The following DIS3L2 variants were observed in gnomAD, a reference collection of about 807,000 sequenced individuals.
The protein encoded by DIS3L2 is DIS3-like exonuclease 2.
In DIS3L2, 34 loss-of-function variants were observed where a neutral mutation model predicts 97.5. The ratio of observed to expected loss-of-function variants is 0.35; its 90% confidence interval spans 0.27 to 0.46. DIS3L2 has a LOEUF of 0.46. Ranked by LOEUF, DIS3L2 falls within the 20% of genes least tolerant of loss-of-function variation. DIS3L2 has a pLI of 1.00. For synonymous variants in DIS3L2, 435 were observed against 445.2 expected (o/e 0.98, Z 0.29); for missense variants, 1,038 against 1,146.0 (o/e 0.91, Z 1.36).
At chr2:232,003,455 A>G (rs1364785043) in intron 1 of DIS3L2, among the ~76,000 whole-genome samples, 1 of 152,228 alleles carries the variant, frequency 6.6e-6, no homozygotes, top group African/African-American at 2.4e-5. Flanking sequence ...TTGACTGCAT[A>G]TAGAATTGCA....
chr2:232,324,696 C>T lies in DIS3L2; in HGVS notation c.1740-5117C>T, dbSNP rs73995228. On this transcript the variant is annotated intron_variant, in intron 14 of 20. Coordinates refer to ENST00000325385, the MANE Select transcript of DIS3L2 (RefSeq NM_152383.5). ...GAAACTTCTAGAAATGTTGCTTTTA[C>T]TGTGTTTTTTGCCCAAGTCCTAGAG... 2.3e-3 allele frequency among the ~76,000 whole-genome samples: 347 copies of T among 152,302 alleles called. 2 individuals are homozygous for T. Among genetic ancestry groups the T allele is most frequent in the African/African-American group, 7.7e-3 (321 of 41,572 alleles).
chr2:232,073,857 G>C (rs903564813), intron 5 of DIS3L2, among the ~76,000 whole-genome samples: 1 of 152,202 alleles, frequency 6.6e-6, no homozygotes, highest in African/African-American at 2.4e-5. Flanking sequence ...TGGTAGGTTT[G>C]AATTGCTGTT....
intron 5 of DIS3L2, among the ~76,000 whole-genome samples, chr2:232,047,954 G>C (rs917916744): frequency 6.6e-6 from 1 of 152,146 alleles, no homozygotes; most frequent in African/African-American, 2.4e-5. Flanking sequence ...GCCACATTTT[G>C]TTATCCTTTC....
At chr2:232,174,968 A>G (rs1691110115) in intron 9 of DIS3L2, among the ~76,000 whole-genome samples, 1 of 152,092 alleles carries the variant, frequency 6.6e-6, no homozygotes. Flanking sequence ...TAGCTGGGAC[A>G]ACAGGGCGTG....
Position 232,295,330 on chromosome 2 carries a change from A to G in DIS3L2, c.1660-4710A>G, listed in dbSNP as rs140911245. On this transcript the variant is annotated intron_variant, in intron 13 of 20. Coordinates refer to ENST00000325385, the MANE Select transcript of DIS3L2 (RefSeq NM_152383.5). Reference sequence around the variant, plus strand: ...GCAGATAATTTGTGTCCTAATTTTCAGGAAAGAACCTAAAAAATCATACTA... The same window carrying G: ...GCAGATAATTTGTGTCCTAATTTTCGGGAAAGAACCTAAAAAATCATACTA... 7.2e-3 allele frequency among the ~76,000 whole-genome samples: 1,093 copies of G among 151,992 alleles called. 7 individuals are homozygous for G. The highest frequency in any genetic ancestry group is 0.017 in the South Asian group (84 of 4,820).
At chr2:232,048,107 A>G (rs1013964835) in intron 5 of DIS3L2, among the ~76,000 whole-genome samples, 4 of 152,034 alleles carry the variant, frequency 2.6e-5, no homozygotes, top group African/African-American at 4.8e-5. Context: ...TCATGTGGTG[A>G]CTCCATGTTT....
intron 5 of DIS3L2, among the ~76,000 whole-genome samples, chr2:232,062,530 C>T (rs1159415557): frequency 6.6e-6 from 1 of 152,062 alleles, no homozygotes; most frequent in East Asian, 1.9e-4. Flanking sequence ...CCAGTGGTAG[C>T]CCCCCAAGTT....
At chr2:232,086,636 T>TATATGTGTATATATATATATATACAC (rs1559613442) in intron 5 of DIS3L2, among the ~76,000 whole-genome samples, 14 of 50,052 alleles carry the variant, frequency 2.8e-4, no homozygotes, top group East Asian at 1.9e-3. Flanking sequence ...TATACACATA[T>TATATGTGTATATATATATATATACAC]ATATATATGT....
chr2:232,203,539 T>A (rs1385574077), intron 9 of DIS3L2, among the ~76,000 whole-genome samples: 3 of 152,220 alleles, frequency 2.0e-5, no homozygotes, highest in Admixed American at 2.0e-4. Flanking sequence ...AAGAGCCCTT[T>A]GGTCGTTTTT....
chr2:232,291,831 A>G (rs56128595), intron 13 of DIS3L2, among the ~76,000 whole-genome samples: 19,799 of 152,220 alleles, frequency 0.13, 2,014 homozygotes, highest in African/African-American at 0.29. Context: ...TGTCCATGAG[A>G]GGTCATCTTG....
intron 5 of DIS3L2, among the ~76,000 whole-genome samples, chr2:232,083,461 A>G (rs941545131): frequency 1.3e-4 from 20 of 151,836 alleles, no homozygotes; most frequent in African/African-American, 3.6e-4. Context: ...AATAGAACCT[A>G]AAGGCCTGAG....
At chr2:232,209,296 G>T (rs1414559672) in intron 9 of DIS3L2, among the ~76,000 whole-genome samples, 2 of 152,144 alleles carry the variant, frequency 1.3e-5, no homozygotes, top group Non-Finnish European at 2.9e-5. Flanking sequence ...TCGCTCTATT[G>T]TCCAGGCTGG....
intron 3 of DIS3L2, among the ~76,000 whole-genome samples, chr2:232,016,899 CCCCTCCCT>C (rs938573264): frequency 2.2e-5 from 3 of 133,796 alleles, no homozygotes; most frequent in African/African-American, 5.5e-5. Context: ...TCCTTTTTGT[CCCCTCCCT>C]CCCTCCCTCC....
intron 5 of DIS3L2, among the ~76,000 whole-genome samples, chr2:232,041,504 T>C (rs932722867): frequency 6.6e-6 from 1 of 152,090 alleles, no homozygotes; most frequent in Non-Finnish European, 1.5e-5. Flanking sequence ...GCTGGGAGAA[T>C]TGACTAGAGC....
In DIS3L2 at chr2:232,077,965, C is replaced by CTTTCTTTCT. The variant is rs1330344835; in HGVS notation, c.367-9519_367-9511dup. ...TCTTTTTCTTTCTTTCTCTTTCTTT[C>CTTTCTTTCT]TTTCTTTCTTTCTTTCTTTCTTTCT... On this transcript the variant is annotated intron_variant, in intron 5 of 20. Coordinates refer to ENST00000325385, the MANE Select transcript of DIS3L2 (RefSeq NM_152383.5). 5.5e-3 allele frequency among the ~76,000 whole-genome samples: 568 copies of CTTTCTTTCT among 102,490 alleles called. 3 individuals carry two copies. Among genetic ancestry groups the CTTTCTTTCT allele is most frequent in the Middle Eastern group, 0.021 (5 of 234 alleles). The allele number at this position is 102,490 out of a possible 152,430, so 67.2% of individuals were successfully genotyped here.
chr2:232,055,601 T>TTG (rs1197289548), intron 5 of DIS3L2, among the ~76,000 whole-genome samples: 4 of 152,088 alleles, frequency 2.6e-5, no homozygotes, highest in Admixed American at 1.3e-4. Context: ...GCAATCGTTG[T>TTG]TGTGTGTGTG....
chr2:232,245,417 G>C (rs1452042496), intron 11 of DIS3L2, among the ~76,000 whole-genome samples: 2 of 152,206 alleles, frequency 1.3e-5, no homozygotes, highest in African/African-American at 4.8e-5. Flanking sequence ...GGGGTTGTGG[G>C]AGAGCACATT....
chr2:232,328,098 G>C (rs141863771), intron 14 of DIS3L2, among the ~76,000 whole-genome samples: 2 of 152,342 alleles, frequency 1.3e-5, no homozygotes, highest in African/African-American at 4.8e-5. Flanking sequence ...ATTAGGGCTG[G>C]GAGGTGGGGT....
At chr2:232,316,505 C>A (rs564663699) in intron 14 of DIS3L2, among the ~76,000 whole-genome samples, 1 of 152,210 alleles carries the variant, frequency 6.6e-6, no homozygotes, top group East Asian at 1.9e-4. Flanking sequence ...TCCAGCCACT[C>A]CAAGCATGAG....
Sources: allele counts gnomAD v4.1 joint callset (sites outside exome capture counted in the v4.1 genomes callset), GRCh38; gene constraint gnomAD v4.1.1; transcripts MANE v1.5; gene names NCBI Gene and HGNC (gene_info 2026-07-23, HGNC 2026-07-21).